UBXN11: variants seen among roughly 807,000 people sequenced by gnomAD.
UBXN11 encodes UBX domain-containing protein 11.
Under a neutral mutation model 62.8 loss-of-function variants are expected in UBXN11, and 47 were observed. The observed-to-expected ratio is 0.75, with a 90% CI of 0.59 to 0.95. The LOEUF is 0.95. UBXN11 is among the 40% of genes least tolerant of loss of function. UBXN11 has a pLI of 0.00. For synonymous variants in UBXN11, 294 were observed against 267.0 expected (o/e 1.10, Z -0.99); for missense variants, 638 against 661.7 (o/e 0.96, Z 0.39).
At position 26,297,443 on chromosome 1, in the gene UBXN11, G is replaced by A. The variant is rs1392754849; in HGVS notation, c.339C>T (p.Thr113=). ...KIAALEDLVQ[T]LRPHPAEATL... ...GCCCCCTACCTGGGTGTGGCCGGAG[G>A]GTCTGCACCAGGTCCTCTAGGGCCG... Residue 113 remains threonine (T), a synonymous_variant, in exon 6 of 15, where the codon ACC becomes ACT. Coordinates refer to ENST00000374222, the MANE Select transcript of UBXN11 (RefSeq NM_001389556.1). The A allele has an allele frequency of 6.4e-7, 1 of 1,554,294 alleles. No homozygotes were observed. Among genetic ancestry groups the A allele is most frequent in the Non-Finnish European group, 8.7e-7 (1 of 1,148,686 alleles).
At chr1:26,301,499 G>A (rs1206315750) in intron 3 of UBXN11, among the ~76,000 whole-genome samples, 195 bp downstream of exon 3, 1 of 152,156 alleles carries the variant, frequency 6.6e-6, no homozygotes, top group Non-Finnish European at 1.5e-5. Context: ...AGGGTATGGG[G>A]CCTCCTAATC....
At chr1:26,308,865 A>G (rs72872961), upstream of UBXN11, among the ~76,000 whole-genome samples, 1,290 of 151,890 alleles carry the variant, frequency 8.5e-3, 15 homozygotes, top group African/African-American at 0.03. Flanking sequence ...CGCAGCAGGC[A>G]GACACTCAGT....
At chr1:26,285,571 G>A (rs375329611) in intron 9 of UBXN11, 30 bp from the exon 10 acceptor site, 1 of 1,533,442 alleles carries the variant, frequency 6.5e-7, no homozygotes, top group Non-Finnish European at 8.8e-7. Context: ...GTGAGGGGGT[G>A]GCCTGGGCCT....
chr1:26,297,093 C>A (rs1417996390), intron 6 of UBXN11, 98 bp from the exon 7 acceptor site: 1 of 1,378,430 alleles, frequency 7.3e-7, no homozygotes, highest in South Asian at 1.3e-5. Context: ...TTCTGGGGAT[C>A]CCCCAAGAAC....
rs2072998380 is a variant in UBXN11 at position 26,282,299 on chromosome 1, T to G, written c.1563A>C (p.Ter521TyrextTer?). 10 of 1,440,928 alleles carry G rather than the reference T, an allele frequency of 6.9e-6. No homozygotes were observed. Among genetic ancestry groups the G allele is most frequent in the East Asian group, 2.9e-5 (1 of 34,762 alleles). 89.3% of individuals were successfully genotyped at this position (1,440,928 alleles called of 1,614,324 possible). The change falls in exon 15 of 15, where the codon TAA (stop) becomes TAC (tyrosine). Residue 521 changes from the stop codon to tyrosine (Y), a stop_lost. Transcript: ENST00000374222. ...GCAGCGGGTTGAGGGGGCGGGTGCT[T>G]TATTGGGGGCTGGGACTGGGTCCAG... ...PCPGPSPSPQ[*>Y]
At position 26,302,885 on chromosome 1, in the gene UBXN11, G is replaced by C; in HGVS notation, c.-2C>G. The C allele has an allele frequency of 6.2e-7, 1 of 1,613,750 alleles. No individual in the cohort carries two copies. The highest frequency in any genetic ancestry group is 8.5e-7 in the Non-Finnish European group (1 of 1,179,798). On this transcript the variant is annotated 5_prime_UTR_variant, in exon 2 of 15. Transcript: ENST00000374222. ...AAGGGAGGCCAAAGGTGAGCTCATA[G>C]TTCTACTTCTAGAATCCAGCTGTCA...
chr1:26,301,672 C>A, intron 3 of UBXN11, 22 bp downstream of exon 3: 1 of 1,613,432 alleles, frequency 6.2e-7, no homozygotes, highest in Non-Finnish European at 8.5e-7. Context: ...GCGAAGAGGG[C>A]ACGAGGGCGG....
upstream of UBXN11, chr1:26,306,832 G>GGGGGGGGGGGT (rs2073680664): frequency 2.4e-5 from 2 of 84,568 alleles, 1 homozygote; most frequent in Non-Finnish European, 5.3e-5. Context: ...GGCGGGGTGG[G>GGGGGGGGGGGT]GGGGGGGGGT....
chr1:26,300,140 G>A (rs919508905), intron 4 of UBXN11, among the ~76,000 whole-genome samples: 1 of 152,142 alleles, frequency 6.6e-6, no homozygotes, highest in Non-Finnish European at 1.5e-5. Flanking sequence ...AATGGAAGGG[G>A]CCTGAGGGAG....
intron 12 of UBXN11, 24 bp from the exon 13 acceptor site, chr1:26,282,961 G>A: frequency 4.3e-6 from 7 of 1,614,058 alleles, no homozygotes; most frequent in Non-Finnish European, 5.1e-6. Flanking sequence ...GTGGAGGGTG[G>A]ACAGAGCCCT....
At chr1:26,318,265 TG>T in exon 1 of UBXN11, 1 of 583,354 alleles carries the variant, frequency 1.7e-6, no homozygotes, top group Non-Finnish European at 3.1e-6. Flanking sequence ...GGGGCTGCAC[TG>T]CTTGCGGGCT....
chr1:26,298,226 C>G (rs528635422), intron 4 of UBXN11, among the ~76,000 whole-genome samples, 164 bp from the exon 5 acceptor site: 9 of 152,268 alleles, frequency 5.9e-5, no homozygotes, highest in African/African-American at 2.2e-4. Context: ...GATCAACCCC[C>G]TGTAATCCTT....
At chr1:26,286,760 T>C (rs10902733) in intron 8 of UBXN11, among the ~76,000 whole-genome samples, 24,875 of 152,062 alleles carry the variant, frequency 0.16, 2,135 homozygotes, top group Middle Eastern at 0.21. Context: ...AGTGCAATGG[T>C]ACAATCTTGG....
upstream of UBXN11, among the ~76,000 whole-genome samples, chr1:26,308,383 C>G (rs2073704900): frequency 6.6e-6 from 1 of 152,106 alleles, no homozygotes; most frequent in South Asian, 2.1e-4. Flanking sequence ...GGATTCAAAC[C>G]CAGAACGGTC....
intron 7 of UBXN11, among the ~76,000 whole-genome samples, chr1:26,295,594 G>A (rs1243814062): frequency 2.0e-5 from 3 of 152,150 alleles, no homozygotes; most frequent in Admixed American, 2.0e-4. Context: ...TATGTGGCGG[G>A]AAGTGGCACC....
chr1:26,297,426 C>T lies in UBXN11; in HGVS notation c.355+1G>A, dbSNP rs757885374. The T allele has an allele frequency of 6.5e-7, 1 of 1,547,406 alleles. No homozygotes were observed. The highest frequency in any genetic ancestry group is 8.7e-7 in the Non-Finnish European group (1 of 1,145,408). On this transcript the variant is annotated splice_donor_variant, in intron 6 of 14. Transcript: ENST00000374222. LOFTEE classifies it high-confidence loss of function. Reference sequence around the variant, plus strand: ...AGGTCAGCCCTCCAAGAGCCCCCTACCTGGGTGTGGCCGGAGGGTCTGCAC... The same window carrying T: ...AGGTCAGCCCTCCAAGAGCCCCCTATCTGGGTGTGGCCGGAGGGTCTGCAC...
At chr1:26,309,855 T>A (rs1307084399), upstream of UBXN11, among the ~76,000 whole-genome samples, 1 of 152,224 alleles carries the variant, frequency 6.6e-6, no homozygotes, top group Admixed American at 6.5e-5. Flanking sequence ...GGCCCCAGCA[T>A]GAGTGGGGAC....
At chr1:26,294,119 G>C in intron 8 of UBXN11, 86 bp downstream of exon 8, 1 of 1,561,768 alleles carries the variant, frequency 6.4e-7, no homozygotes, top group Non-Finnish European at 8.7e-7. Context: ...GCACGAATGA[G>C]ATAGGCCTCT....
chr1:26,308,265 CAAAAAAA>C (rs112792329), upstream of UBXN11, among the ~76,000 whole-genome samples: 2 of 78,398 alleles, frequency 2.6e-5, no homozygotes, highest in African/African-American at 8.8e-5. Context: ...GAAACTCTGT[CAAAAAAA>C]AAAAAAAGAA....
Sources: gnomAD v4.1 joint callset for allele counts (sites outside exome capture counted in the v4.1 genomes callset) on GRCh38, gnomAD v4.1.1 for gene constraint, MANE v1.5 for transcripts, NCBI Gene and HGNC (gene_info 2026-07-23, HGNC 2026-07-21) for gene names.